Variants in ATP5MK observed in about 807,000 individuals in gnomAD.
ATP5MK encodes ATP synthase membrane subunit k.
A neutral mutation model predicts 6.6 loss-of-function variants in ATP5MK; 5 were observed. The observed-to-expected ratio is 0.76, with a 90% confidence interval of 0.40 to 1.60. The LOEUF (loss-of-function observed/expected upper bound fraction) is 1.60, where lower values mean the gene tolerates loss of function less well. ATP5MK is among the 40% of genes most tolerant of loss of function. The probability of loss-of-function intolerance (pLI) is 0.02; values close to 1 mark genes in which losing one functional copy is unlikely to be tolerated. For missense variants in ATP5MK, 57 were observed against 66.6 expected, an observed-to-expected ratio of 0.86 and a Z score of 0.50; for synonymous variants, 30 against 24.5, an observed-to-expected ratio of 1.22 and a Z score of -0.66.
At position 103,392,233 on chromosome 10, in the gene ATP5MK, C is replaced by A; in HGVS notation, c.138G>T (p.Lys46Asn). Residue 46 changes from lysine to asparagine, a missense_variant, in exon 4 of 5, where the codon AAG becomes AAT. Coordinates refer to ENST00000369815, the MANE Select transcript of ATP5MK (RefSeq NM_001206427.2). ...CAGCTGGAGTTTTTTTGGACCTTAA[C>A]TTGAAATATAAGACAATCAATGCAA... ...GSIALIVLYF[K>N]LRSKKTPAVK... 1 of 1,613,454 alleles carries A rather than the reference C, an allele frequency of 6.2e-7. No individual in the cohort carries two copies. The highest frequency in any genetic ancestry group is 1.1e-5 in the South Asian group (1 of 90,964).
At chr10:103,391,552 G>C (rs2093414512) in intron 4 of ATP5MK, among the ~76,000 whole-genome samples, 1 of 152,038 alleles carries the variant, frequency 6.6e-6, no homozygotes. Flanking sequence ...TTGTCCCCCA[G>C]GCTGGAGTGC....
chr10:103,393,260 A>G (rs1368185171), intron 2 of ATP5MK, among the ~76,000 whole-genome samples: 9 of 152,214 alleles, frequency 5.9e-5, no homozygotes, highest in African/African-American at 2.2e-4. Flanking sequence ...GAAAACTAAG[A>G]ATTCTCTCTC....
chr10:103,392,397 A>G lies in ATP5MK; in HGVS notation c.61T>C (p.Ser21Pro). The G allele has an allele frequency of 6.2e-7, 1 of 1,608,258 alleles. No homozygotes were observed. Among genetic ancestry groups the G allele is most frequent in the Non-Finnish European group, 8.5e-7 (1 of 1,178,152 alleles). The change falls in exon 3 of 5, where the codon TCT (serine) becomes CCT (proline). Residue 21 changes from serine to proline, a missense_variant. By Grantham distance (74) the Ser-to-Pro change is moderately conservative. Coordinates refer to ENST00000369815, the MANE Select transcript of ATP5MK (RefSeq NM_001206427.2). ...QFTGIKKYFN[S>P]YTLTGRMNCV... ...TTCATTCTACCTGTGAGAGTATAAG[A>G]GTTGAAATATTTTTTAATACCAGTG...
chr10:103,393,262 TTC>T (rs1241825528), intron 2 of ATP5MK, among the ~76,000 whole-genome samples: 1 of 152,178 alleles, frequency 6.6e-6, no homozygotes, highest in East Asian at 1.9e-4. Flanking sequence ...AAACTAAGAA[TTC>T]TCTCTCTGTT....
chr10:103,390,822 A>C (rs2093412316), intron 4 of ATP5MK, among the ~76,000 whole-genome samples: 1 of 152,080 alleles, frequency 6.6e-6, no homozygotes, highest in African/African-American at 2.4e-5. Context: ...GGAGAGCTAC[A>C]TCAGATGAAG....
chr10:103,393,032 T>G (rs549955776), intron 2 of ATP5MK, among the ~76,000 whole-genome samples: 1 of 151,402 alleles, frequency 6.6e-6, no homozygotes, highest in Non-Finnish European at 1.5e-5. Flanking sequence ...CCAAAATAGA[T>G]AAAAGATTTA....
chr10:103,390,595 C>A (rs536168587), intron 4 of ATP5MK, among the ~76,000 whole-genome samples: 1 of 152,200 alleles, frequency 6.6e-6, no homozygotes, highest in South Asian at 2.1e-4. Context: ...TTGAGACCAG[C>A]CTGACCAACA....
intron 2 of ATP5MK, among the ~76,000 whole-genome samples, chr10:103,393,783 A>G (rs1433729236): frequency 6.6e-6 from 1 of 152,228 alleles, no homozygotes; most frequent in Non-Finnish European, 1.5e-5. Context: ...AATACTGTTT[A>G]TGAAAATCTT....
intron 2 of ATP5MK, among the ~76,000 whole-genome samples, chr10:103,394,009 GC>G (rs2093422498): frequency 6.6e-6 from 1 of 152,268 alleles, no homozygotes; most frequent in East Asian, 1.9e-4. Flanking sequence ...ACTTGTTAGT[GC>G]AAATTCTTAG....
At chr10:103,394,540 C>CA (rs1292652563) in intron 2 of ATP5MK, 1 of 332,968 alleles carries the variant, frequency 3.0e-6, no homozygotes, top group Admixed American at 3.6e-5. Context: ...TTTCAAGTTT[C>CA]AAGAAGGTTC....
intron 4 of ATP5MK, among the ~76,000 whole-genome samples, chr10:103,389,757 A>G (rs1016993137): frequency 5.9e-5 from 9 of 151,972 alleles, no homozygotes; most frequent in Admixed American, 1.3e-4. Context: ...TCGGAGACAC[A>G]GTCTCGCTCT....
chr10:103,394,591 C>G (rs1390986051), intron 2 of ATP5MK, among the ~76,000 whole-genome samples: 1 of 152,154 alleles, frequency 6.6e-6, no homozygotes, highest in Non-Finnish European at 1.5e-5. Flanking sequence ...TAGGCCTCTT[C>G]AGAGACCTTG....
rs573890118 is a variant in ATP5MK, at chr10:103,395,979, A to T, written c.-243T>A. ...CTTTGAAAAAGGCTGCAGCGCACCT[A>T]AAGGAGGCCCGGCTGGCCAGCTTCC... On this transcript the variant is annotated 5_prime_UTR_variant, in exon 2 of 5. Transcript: ENST00000369815. The T allele has an allele frequency of 6.6e-6, 1 of 152,428 alleles. No individual in the cohort carries two copies. The highest frequency in any genetic ancestry group is 1.9e-4 in the East Asian group (1 of 5,186). The allele number at this position is 152,428 out of a possible 1,614,324, so 9.4% of individuals were successfully genotyped here.
intron 2 of ATP5MK, chr10:103,394,438 C>T (rs928732762): frequency 4.4e-6 from 2 of 451,544 alleles, no homozygotes; most frequent in Non-Finnish European, 9.8e-6. Flanking sequence ...GGAGTCATTA[C>T]TATGGAAACT....
chr10:103,392,856 G>A (rs558622988), intron 2 of ATP5MK, among the ~76,000 whole-genome samples: 2 of 152,046 alleles, frequency 1.3e-5, no homozygotes, highest in Non-Finnish European at 2.9e-5. Context: ...AACATTCAAC[G>A]GGTGACCATC....
rs185414840 is a variant in ATP5MK at position 103,390,715 on chromosome 10, G to A, written c.*3+1476C>T. Among the ~76,000 whole-genome samples, 249 of 152,102 alleles carry A rather than the reference G, an allele frequency of 1.6e-3. 1 individual carries two copies. The highest frequency in any genetic ancestry group is 1.9e-3 in the Non-Finnish European group (131 of 67,970). On this transcript the variant is annotated intron_variant, in intron 4 of 4. Transcript: ENST00000369815. ...CTGAGGCAGGAGAATTGTTTGAACC[G>A]GGAGGCAGAGGTTGCAGTGAGCCAA...
intron 2 of ATP5MK, among the ~76,000 whole-genome samples, chr10:103,395,294 T>C (rs2093428745): frequency 6.6e-6 from 1 of 152,232 alleles, no homozygotes; most frequent in African/African-American, 2.4e-5. Context: ...ATGTTTTAAT[T>C]AAGTTGCTAA....
chr10:103,390,431 T>C (rs376610582), intron 4 of ATP5MK, among the ~76,000 whole-genome samples: 39 of 151,572 alleles, frequency 2.6e-4, no homozygotes, highest in African/African-American at 8.2e-4. Flanking sequence ...GAAGCAGAGG[T>C]TGCAGTGATC....
At chr10:103,392,959 T>A (rs1244691668) in intron 2 of ATP5MK, among the ~76,000 whole-genome samples, 2 of 152,194 alleles carry the variant, frequency 1.3e-5, no homozygotes, top group African/African-American at 4.8e-5. Flanking sequence ...AGGGATAATT[T>A]ATTAAATGGA....
Sources: allele counts gnomAD v4.1 joint callset (sites outside exome capture counted in the v4.1 genomes callset), GRCh38; gene constraint gnomAD v4.1.1; transcripts MANE v1.5; gene names NCBI Gene and HGNC (gene_info 2026-07-23, HGNC 2026-07-21).